The following RAD51D variants were observed in gnomAD, a reference collection of about 807,000 sequenced individuals.
RAD51D encodes the protein RAD51 paralog D, also known as DNA repair protein RAD51 homolog 4.
RAD51D carries 38 observed loss-of-function variants against 44.1 expected under a neutral mutation model. That is an observed-to-expected ratio of 0.86 (90% CI 0.67 to 1.13). The LOEUF is 1.13. RAD51D is among the 50% of genes most tolerant of loss of function. The pLI, the probability that RAD51D is intolerant of heterozygous loss-of-function variation, is 0.00. For synonymous variants in RAD51D, 141 were observed against 166.6 expected (o/e 0.85, Z 1.18); for missense variants, 390 against 414.0 (o/e 0.94, Z 0.50).
At chr17:35,107,683 C>T (rs2091624234) in intron 3 of RAD51D, among the ~76,000 whole-genome samples, 1 of 151,518 alleles carries the variant, frequency 6.6e-6, no homozygotes, top group South Asian at 2.1e-4. Context: ...GAGGCCTCTG[C>T]CACCCCATCA....
chr17:35,118,751 G>T, intron 2 of RAD51D, 132 bp from the exon 3 acceptor site: 1 of 778,898 alleles, frequency 1.3e-6, no homozygotes, highest in Non-Finnish European at 2.2e-6. Context: ...TTTTGTTATT[G>T]TTGTTGTTTC....
In RAD51D at chr17:35,100,332, G is replaced by A. The variant is rs1240586198; in HGVS notation, c.*621C>T. On this transcript the variant is annotated 3_prime_UTR_variant, in exon 10 of 10. Transcript: ENST00000345365. ...ATAAACTGTTCTTTGGGCCTCACTGGGGGAAACTGAAAAACAGCCTTCTAA... is the reference window on the plus strand; with the variant it reads ...ATAAACTGTTCTTTGGGCCTCACTGAGGGAAACTGAAAAACAGCCTTCTAA... 1.9e-6 allele frequency: 1 copy of A among 534,264 alleles called. No homozygotes were observed. The allele number at this position is 534,264 out of a possible 1,614,324, so 33.1% of individuals were successfully genotyped here.
At position 35,099,535 on chromosome 17, in the gene RAD51D, G is replaced by A. The variant is rs1005355820; in HGVS notation, c.*1418C>T. ...CCTGAGGTCTTCTGTGAAAGCAAGCGCTAGGATTCCCCCAGGCTTAGGCTT... is the reference window on the plus strand; with the variant it reads ...CCTGAGGTCTTCTGTGAAAGCAAGCACTAGGATTCCCCCAGGCTTAGGCTT... On this transcript the variant is annotated 3_prime_UTR_variant, in exon 10 of 10. Coordinates refer to ENST00000345365, the MANE Select transcript of RAD51D (RefSeq NM_002878.4). The A allele has an allele frequency of 1.5e-5, 4 of 269,304 alleles. No individual in the cohort carries two copies. The highest frequency in any genetic ancestry group is 2.9e-5 in the Non-Finnish European group (4 of 136,174). 16.7% of individuals were successfully genotyped at this position (269,304 alleles called of 1,614,324 possible).
In RAD51D at chr17:35,118,713, C is replaced by G. The variant is rs567683181; in HGVS notation, c.145-94G>C. The G allele has an allele frequency of 3.0e-5, 28 of 938,062 alleles. No homozygotes were observed. The South Asian group carries it at 3.4e-4, about 11-fold the overall frequency. The allele number at this position is 938,062 out of a possible 1,614,324, so 58.1% of individuals were successfully genotyped here. On this transcript the variant is annotated intron_variant, in intron 2 of 9. Transcript: ENST00000345365. ...ACCCTACTTCTCAATATCTGAGAAC[C>G]CTCTGCTCCCTTTGGCTTGGGATGG...
chr17:35,109,134 G>A (rs921762597), intron 3 of RAD51D, among the ~76,000 whole-genome samples: 1 of 152,014 alleles, frequency 6.6e-6, no homozygotes, highest in African/African-American at 2.4e-5. Context: ...CCCAAAGTGC[G>A]GGGATTACAG....
In RAD51D at chr17:35,103,327, G is replaced by T; in HGVS notation, c.668-3C>A. On this transcript the variant is annotated splice_polypyrimidine_tract_variant and splice_region_variant and intron_variant, in intron 7 of 9. Transcript: ENST00000345365. The surrounding 1 kb of genome is among the most constrained non-coding windows in gnomAD (Gnocchi z 4.1). ...CAGCTGCATCATCAAGGCCAAGCCT[G>T]CAGGAGGAGGAGAAGCAGAGAGGGA... 6.2e-7 allele frequency: 1 copy of T among 1,612,328 alleles called. No individual in the cohort carries two copies. Among genetic ancestry groups the T allele is most frequent in the African/African-American group, 1.3e-5 (1 of 75,038 alleles).
chr17:35,101,870 T>G (rs572646106), intron 8 of RAD51D, among the ~76,000 whole-genome samples: 29 of 152,194 alleles, frequency 1.9e-4, no homozygotes, highest in African/African-American at 7.0e-4. Flanking sequence ...ATACAGAAAG[T>G]AGAATGGTGG....
rs185621359 is a variant in RAD51D at position 35,111,405 on chromosome 17, A to T, written c.264-3958T>A. Among the ~76,000 whole-genome samples the T allele has an allele frequency of 9.9e-5, 15 of 150,966 alleles. No individual in the cohort carries two copies. In the East Asian group the frequency reaches 2.9e-3, roughly 30 times the overall value. On this transcript the variant is annotated intron_variant, in intron 3 of 9. Coordinates refer to ENST00000345365, the MANE Select transcript of RAD51D (RefSeq NM_002878.4). ...AAACTCCGTCTAAAAAAAAAAAAAT[A>T]CAAATACAAATAACCAGGCATGGTG...
chr17:35,117,166 A>G, intron 3 of RAD51D: 1 of 1,003,206 alleles, frequency 1.0e-6, no homozygotes, highest in Admixed American at 2.4e-5. Context: ...ACACCCAACT[A>G]GAGGCCTTAA....
chr17:35,118,765 CAG>C, intron 2 of RAD51D, 146 bp from the exon 3 acceptor site: 1 of 740,396 alleles, frequency 1.4e-6, no homozygotes, highest in Non-Finnish European at 2.4e-6. Flanking sequence ...TTGTTTCAGA[CAG>C]GGTCTCACTC....
At chr17:35,116,084 A>G (rs545327231) in intron 3 of RAD51D, among the ~76,000 whole-genome samples, 1 of 150,676 alleles carries the variant, frequency 6.6e-6, no homozygotes, top group African/African-American at 2.4e-5. Context: ...AAAAAAAGAA[A>G]GAAAGAAAGA....
In RAD51D at chr17:35,103,382, C is replaced by T. The variant is rs2142419450; in HGVS notation, c.668-58G>A. 1.2e-6 allele frequency: 2 copies of T among 1,608,358 alleles called. No individual in the cohort carries two copies. The highest frequency in any genetic ancestry group is 4.5e-5 in the East Asian group (2 of 44,822). ...AGTGGGGAACCAGGGATGGGGCTGG[C>T]CAGAGACCAGACTCCAGAGCTGGGA... is the stretch of plus-strand genomic sequence containing the variant. On this transcript the variant is annotated intron_variant, in intron 7 of 9. Transcript: ENST00000345365. The surrounding 1 kb of genome is among the most constrained non-coding windows in gnomAD (Gnocchi z 4.1).
intron 3 of RAD51D, among the ~76,000 whole-genome samples, chr17:35,117,906 G>A (rs2091768798): frequency 6.6e-6 from 1 of 152,158 alleles, no homozygotes; most frequent in African/African-American, 2.4e-5. Context: ...TTTGCCACTT[G>A]CTCCTCTTAG....
At chr17:35,109,133 C>T (rs1249891517) in intron 3 of RAD51D, among the ~76,000 whole-genome samples, 2 of 152,088 alleles carry the variant, frequency 1.3e-5, no homozygotes, top group African/African-American at 2.4e-5. Flanking sequence ...TCCCAAAGTG[C>T]GGGGATTACA....
chr17:35,103,566 A>C lies in RAD51D; in HGVS notation c.577-22T>G. On this transcript the variant is annotated intron_variant, in intron 6 of 9. Transcript: ENST00000345365. This position sits in a 1 kb window ranked among gnomAD's most constrained non-coding sequence, Gnocchi z 4.1. ...TCACCTGAAGGAATGTGGGGGAAGC[A>C]CTCATGAACCTGTCAGCCTCTAGGA... 1 of 1,590,958 alleles carries C rather than the reference A, an allele frequency of 6.3e-7. No individual in the cohort carries two copies. The highest frequency in any genetic ancestry group is 8.6e-7 in the Non-Finnish European group (1 of 1,159,028).
At chr17:35,107,316 A>G (rs2091618983) in intron 4 of RAD51D, 50 bp downstream of exon 4, 1 of 1,508,130 alleles carries the variant, frequency 6.6e-7, no homozygotes, top group South Asian at 1.1e-5. Context: ...TGGGCTATGC[A>G]TCTACCACCC....
rs1205219213 is a variant in RAD51D, at chr17:35,099,744, A to G, written c.*1209T>C. 2 of 407,250 alleles carry G rather than the reference A, an allele frequency of 4.9e-6. No individual in the cohort carries two copies. Among genetic ancestry groups the G allele is most frequent in the African/African-American group, 4.1e-5 (2 of 48,472 alleles). 25.2% of individuals were successfully genotyped at this position (407,250 alleles called of 1,614,324 possible). ...TTACACAACAGGCTCTCTAACCAAGAAAGATGACCTTCCTTTAAAAGATGT... is the reference window on the plus strand; with the variant it reads ...TTACACAACAGGCTCTCTAACCAAGGAAGATGACCTTCCTTTAAAAGATGT... On this transcript the variant is annotated 3_prime_UTR_variant, in exon 10 of 10. Transcript: ENST00000345365.
At position 35,096,430 on chromosome 17, in the gene RAD51D, G is replaced by C. The variant is rs1189940322; in HGVS notation, c.*4523C>G. The C allele has an allele frequency of 6.6e-6, 1 of 152,240 alleles. No individual in the cohort carries two copies. The highest frequency in any genetic ancestry group is 2.4e-5 in the African/African-American group (1 of 41,458). 9.4% of individuals were successfully genotyped at this position (152,240 alleles called of 1,614,324 possible). ...TGGATTGATGCTCAAAATGGCTGCA[G>C]CCAGGCTTTCATAAGGGGAACAAGC... On this transcript the variant is annotated 3_prime_UTR_variant, in exon 10 of 10. Coordinates refer to ENST00000345365, the MANE Select transcript of RAD51D (RefSeq NM_002878.4).
At chr17:35,112,940 AG>A (rs1392979749) in intron 3 of RAD51D, among the ~76,000 whole-genome samples, 1 of 152,220 alleles carries the variant, frequency 6.6e-6, no homozygotes, top group African/African-American at 2.4e-5. Context: ...CAGAAAAATG[AG>A]TAACAGAAAG....
Sources: allele counts gnomAD v4.1 joint callset (sites outside exome capture counted in the v4.1 genomes callset), GRCh38; gene constraint gnomAD v4.1.1; non-coding constraint Gnocchi (gnomAD v3.1); transcripts MANE v1.5; gene names NCBI Gene and HGNC (gene_info 2026-07-23, HGNC 2026-07-21).